BBS9: variants seen among roughly 807,000 people sequenced by gnomAD.
BBS9 encodes the protein protein PTHB1.
A neutral mutation model predicts 117.7 loss-of-function variants in BBS9; 89 were observed. That is an observed-to-expected ratio of 0.76 (90% CI 0.64 to 0.90). The LOEUF (loss-of-function observed/expected upper bound fraction) is 0.90, where lower values mean the gene tolerates loss of function less well. Among genes scored for constraint, BBS9 ranks in the 40% least tolerant of loss-of-function variants. BBS9 has a pLI of 0.00. For missense variants in BBS9, 982 were observed against 1,042.2 expected, an observed-to-expected ratio of 0.94 and a Z score of 0.80; for synonymous variants, 379 against 370.9, an observed-to-expected ratio of 1.02 and a Z score of -0.25.
chr7:33,462,330 G>T (rs572407340), intron 19 of BBS9, among the ~76,000 whole-genome samples: 1 of 152,100 alleles, frequency 6.6e-6, no homozygotes, highest in Admixed American at 6.6e-5. Context: ...CATTGATTGA[G>T]GAAATATGTA....
At chr7:33,387,705 T>A (rs1826278129) in intron 18 of BBS9, among the ~76,000 whole-genome samples, 1 of 152,214 alleles carries the variant, frequency 6.6e-6, no homozygotes, top group East Asian at 1.9e-4. Context: ...AAAAGATTTC[T>A]ATTTTTTCCC....
At chr7:33,574,947 T>C (rs965444048) in intron 21 of BBS9, among the ~76,000 whole-genome samples, 1 of 152,068 alleles carries the variant, frequency 6.6e-6, no homozygotes, top group African/African-American at 2.4e-5. Context: ...AAGTTATAAC[T>C]TGGGCTTCTT....
intron 19 of BBS9, among the ~76,000 whole-genome samples, chr7:33,453,693 G>T (rs1016730079): frequency 6.6e-6 from 1 of 151,798 alleles, no homozygotes; most frequent in South Asian, 2.1e-4. Context: ...GGCTAATTTT[G>T]TATGTTAGTA....
intron 4 of BBS9, among the ~76,000 whole-genome samples, chr7:33,166,203 T>C (rs552032664): frequency 6.6e-6 from 1 of 152,314 alleles, no homozygotes; most frequent in South Asian, 2.1e-4. Context: ...AGAGCAAATA[T>C]TGCTGCCTGA....
Position 33,240,862 on chromosome 7 carries a change from G to T in BBS9, c.443-16374G>T, listed in dbSNP as rs574779246. Among the ~76,000 whole-genome samples, 6 of 152,120 alleles carry T rather than the reference G, an allele frequency of 3.9e-5. No homozygotes were observed. In the South Asian group the frequency reaches 1.2e-3, roughly 32 times the overall value. Reference sequence around the variant, plus strand: ...TGTCTCTTTCCTTCCCACCCCACTTGCTCACTTCCTTCTTTTCTTCCATTT... The same window carrying T: ...TGTCTCTTTCCTTCCCACCCCACTTTCTCACTTCCTTCTTTTCTTCCATTT... On this transcript the variant is annotated intron_variant, in intron 5 of 22. Coordinates refer to ENST00000242067, the MANE Select transcript of BBS9 (RefSeq NM_198428.3).
intron 21 of BBS9, among the ~76,000 whole-genome samples, chr7:33,594,344 C>A (rs757610676): frequency 4.6e-5 from 7 of 152,060 alleles, no homozygotes; most frequent in Non-Finnish European, 1.0e-4. Context: ...ATACATTTCG[C>A]GGGGCATCCT....
intron 7 of BBS9, 79 bp downstream of exon 7, chr7:33,264,453 G>C: frequency 2.3e-6 from 2 of 856,832 alleles, no homozygotes; most frequent in Admixed American, 2.3e-5. Context: ...TAATTCATGG[G>C]AAGAAAATGT....
intron 11 of BBS9, among the ~76,000 whole-genome samples, chr7:33,342,972 T>A (rs931529030): frequency 2.6e-5 from 4 of 152,232 alleles, no homozygotes; most frequent in Admixed American, 6.5e-5. Flanking sequence ...TATATTAGAA[T>A]GGAGTCTTTC....
downstream of BBS9, among the ~76,000 whole-genome samples, chr7:33,608,849 G>A (rs1864721375): frequency 6.7e-6 from 1 of 149,326 alleles, no homozygotes; most frequent in South Asian, 2.1e-4. Context: ...TGATGCAGAA[G>A]CTCTTTAGTT....
At chr7:33,180,820 G>T (rs1043676232) in intron 5 of BBS9, among the ~76,000 whole-genome samples, 1 of 152,172 alleles carries the variant, frequency 6.6e-6, no homozygotes, top group Non-Finnish European at 1.5e-5. Flanking sequence ...TAGCCTCAGG[G>T]TGAGAGACTG....
chr7:33,586,160 C>A (rs1451586279), intron 21 of BBS9, among the ~76,000 whole-genome samples: 1 of 151,898 alleles, frequency 6.6e-6, no homozygotes, highest in Non-Finnish European at 1.5e-5. Context: ...CATAAAGGTG[C>A]AGATTTTCTA....
chr7:33,292,728 C>A (rs1461694876), intron 9 of BBS9, among the ~76,000 whole-genome samples: 1 of 151,990 alleles, frequency 6.6e-6, no homozygotes, highest in Non-Finnish European at 1.5e-5. Context: ...AAAAAGTTGG[C>A]CGGGCACAGG....
At chr7:33,430,316 T>C (rs1041816739) in intron 19 of BBS9, among the ~76,000 whole-genome samples, 4 of 152,232 alleles carry the variant, frequency 2.6e-5, no homozygotes, top group East Asian at 1.9e-4. Context: ...CCAGACTTCA[T>C]AGGACTTAGG....
rs1282053184 is a variant in BBS9, at chr7:33,438,432, T to G, written c.2115+50288T>G. ...AATTCATTCTACCAGGAAAGGAGTA[T>G]GTAAAGAATCCGACATAATTAAGAA... On this transcript the variant is annotated intron_variant, in intron 19 of 22. Coordinates refer to ENST00000242067, the MANE Select transcript of BBS9 (RefSeq NM_198428.3). 2.0e-5 allele frequency among the ~76,000 whole-genome samples: 3 copies of G among 152,182 alleles called. No individual in the cohort carries two copies. The East Asian group carries it at 5.8e-4, about 29-fold the overall frequency.
chr7:33,223,547 G>A (rs1427668114), intron 5 of BBS9, among the ~76,000 whole-genome samples: 3 of 152,042 alleles, frequency 2.0e-5, no homozygotes, highest in African/African-American at 7.2e-5. Flanking sequence ...TCACTTTTTG[G>A]GGAGAGGGCC....
rs117494501 is a variant in BBS9, at chr7:33,425,477, G to T, written c.2115+37333G>T. Among the ~76,000 whole-genome samples the T allele has an allele frequency of 0.02, 3,010 of 152,240 alleles. 205 individuals carry two copies. The East Asian group carries it at 0.26, about 13-fold the overall frequency. The stretch of plus-strand genomic sequence containing the variant: ...TAGGTATTAAGCCCAGCATGCATTA[G>T]CTGTATTTCCTAATGCTCTCCCTCC... On this transcript the variant is annotated intron_variant, in intron 19 of 22. Transcript: ENST00000242067.
rs762002164 is a variant in BBS9 at position 33,264,328 on chromosome 7, G to A, written c.656G>A (p.Arg219Lys). The A allele has an allele frequency of 1.3e-6, 2 of 1,571,180 alleles. No individual in the cohort carries two copies. Among genetic ancestry groups the A allele is most frequent in the Non-Finnish European group, 1.7e-6 (2 of 1,158,102 alleles). ...VLAFATDADK[R>K]QETEQQKLGS... Reference sequence around the variant, plus strand: ...GCTTTTGCAACAGATGCAGATAAAAGGCAGGAGACTGAACAGCAAAAACTT... The same window carrying A: ...GCTTTTGCAACAGATGCAGATAAAAAGCAGGAGACTGAACAGCAAAAACTT... The change falls in exon 7 of 23, where the codon AGG (arginine) becomes AAG (lysine). Residue 219 changes from arginine to lysine, a missense_variant. Physicochemically the swap from Arg to Lys is conservative, Grantham distance 26. Transcript: ENST00000242067.
chr7:33,384,264 G>A (rs1281425439), intron 18 of BBS9, among the ~76,000 whole-genome samples: 1 of 152,158 alleles, frequency 6.6e-6, no homozygotes, highest in African/African-American at 2.4e-5. Flanking sequence ...ATCTGAATGA[G>A]GGTTAACACT....
chr7:33,631,234 A>G, intron 21 of BBS9, among the ~76,000 whole-genome samples: 1 of 152,136 alleles, frequency 6.6e-6, no homozygotes, highest in African/African-American at 2.4e-5. Context: ...GCACCGTTCC[A>G]GGGAGACCCT....
Sources: allele counts gnomAD v4.1 joint callset (sites outside exome capture counted in the v4.1 genomes callset), GRCh38; gene constraint gnomAD v4.1.1; transcripts MANE v1.5; gene names NCBI Gene and HGNC (gene_info 2026-07-23, HGNC 2026-07-21).